The following TIMELESS variants were observed in gnomAD, a reference collection of about 807,000 sequenced individuals.
TIMELESS encodes the protein protein timeless homolog.
TIMELESS carries 124 observed loss-of-function variants against 164.3 expected under a neutral mutation model. The observed-to-expected ratio is 0.75, with a 90% CI of 0.65 to 0.88. The LOEUF (loss-of-function observed/expected upper bound fraction) is 0.88, where lower values mean the gene tolerates loss of function less well. Ranked by LOEUF, TIMELESS falls within the 40% of genes least tolerant of loss-of-function variation. The probability of loss-of-function intolerance (pLI) is 0.00; values close to 1 mark genes in which losing one functional copy is unlikely to be tolerated. For missense variants in TIMELESS, 1,422 were observed against 1,491.4 expected, an observed-to-expected ratio of 0.95 and a Z score of 0.77; for synonymous variants, 564 against 563.4, an observed-to-expected ratio of 1.00 and a Z score of -0.02.
intron 1 of TIMELESS, among the ~76,000 whole-genome samples, chr12:56,446,471 C>T (rs901538227): frequency 5.3e-5 from 8 of 152,064 alleles, no homozygotes; most frequent in South Asian, 4.2e-4. Context: ...TTACCTCTCA[C>T]GCTTCTCTCT....
At chr12:56,433,308 G>C in intron 5 of TIMELESS, 73 bp downstream of exon 5, 1 of 1,542,252 alleles carries the variant, frequency 6.5e-7, no homozygotes, top group Non-Finnish European at 9.0e-7. Context: ...CCATATCTCA[G>C]CATCTCCTCC....
At chr12:56,435,167 A>T (rs1882030109) in intron 1 of TIMELESS, among the ~76,000 whole-genome samples, 1 of 152,100 alleles carries the variant, frequency 6.6e-6, no homozygotes, top group South Asian at 2.1e-4. Context: ...GATCTAATAC[A>T]TCTCAGGAGC....
Position 56,428,305 on chromosome 12 carries a change from C to T in TIMELESS, c.1509G>A (p.Val503=). Residue 503 remains valine, a synonymous_variant, in exon 13 of 29, where the codon GTG becomes GTA. Coordinates refer to ENST00000553532, the MANE Select transcript of TIMELESS (RefSeq NM_003920.5). The part of the protein sequence containing the change: ...CQPRSFLRDL[V]ETTHLFLKML... ...TTTTGAGGAAGAGGTGGGTGGTCTC[C>T]ACCAGGTCACGAAGGAAAGAGCGGG... is the stretch of plus-strand genomic sequence containing the variant. 1 of 1,613,688 alleles carries T rather than the reference C, an allele frequency of 6.2e-7. No individual in the cohort carries two copies. Among genetic ancestry groups the T allele is most frequent in the Non-Finnish European group, 8.5e-7 (1 of 1,179,670 alleles).
chr12:56,423,936 T>A (rs1881591851), intron 15 of TIMELESS, 42 bp from the exon 16 acceptor site: 2 of 1,546,824 alleles, frequency 1.3e-6, no homozygotes, highest in South Asian at 2.3e-5. Context: ...AGGGGAAATC[T>A]GGCTTTAAAT....
At chr12:56,429,485 ACTGCGC>A (rs1162737087) in intron 10 of TIMELESS, among the ~76,000 whole-genome samples, 1 of 142,056 alleles carries the variant, frequency 7.0e-6, no homozygotes, top group Non-Finnish European at 1.5e-5. Flanking sequence ...GGCGTGAGCC[ACTGCGC>A]CTGGTCTTTT....
chr12:56,433,635 G>T lies in TIMELESS; in HGVS notation c.269C>A (p.Thr90Lys), dbSNP rs372530242. 6.2e-7 allele frequency: 1 copy of T among 1,614,174 alleles called. No individual in the cohort carries two copies. Among genetic ancestry groups the T allele is most frequent in the South Asian group, 1.1e-5 (1 of 91,090 alleles). Residue 90 changes from threonine (T) to lysine (K), a missense_variant, in exon 4 of 29, where the codon ACA becomes AAA. Physicochemically the swap from Thr to Lys is moderately conservative, Grantham distance 78 (BLOSUM62 -1). Transcript: ENST00000553532. The stretch of plus-strand genomic sequence containing the variant: ...GCCAAAACAGAGCAAGGCTGGTTGT[G>T]TCAAGTTCACCATCAGTCTGGGAGA... ...DAVIRLMVNLTQPALLCFGNL... is the reference protein window; with the variant it reads ...DAVIRLMVNLKQPALLCFGNL...
At position 56,420,684 on chromosome 12, in the gene TIMELESS, C is replaced by A; in HGVS notation, c.3113G>T (p.Cys1038Phe). ...TGGCACCAATGGAACGGCCTGGGAG[C>A]AGCCTAAGACAGGGTCAATAGTCAT... is the stretch of plus-strand genomic sequence containing the variant. ...RAADDREEDGCSQAVPLVPLT... is the reference protein window; with the variant it reads ...RAADDREEDGFSQAVPLVPLT... The change falls in exon 26 of 29, where the codon TGC becomes TTC. Residue 1038 changes from cysteine (C) to phenylalanine (F), a missense_variant. Transcript: ENST00000553532. 6.2e-7 allele frequency: 1 copy of A among 1,614,190 alleles called. No homozygotes were observed. The highest frequency in any genetic ancestry group is 8.5e-7 in the Non-Finnish European group (1 of 1,180,010).
chr12:56,432,953 CAAAAAAA>C (rs67816652), intron 6 of TIMELESS, 66 bp downstream of exon 6: 16 of 546,150 alleles, frequency 2.9e-5, no homozygotes, highest in Middle Eastern at 4.6e-4. Flanking sequence ...GACTCCGTCT[CAAAAAAA>C]AAAAAAAAAA....
chr12:56,436,410 C>T (rs528163776), intron 1 of TIMELESS, among the ~76,000 whole-genome samples: 37 of 151,958 alleles, frequency 2.4e-4, no homozygotes, highest in African/African-American at 8.0e-4. Flanking sequence ...GCCGAGATCA[C>T]GCCACCACAC....
chr12:56,417,848 G>A (rs1036413789), intron 28 of TIMELESS, 59 bp downstream of exon 28: 39 of 1,613,188 alleles, frequency 2.4e-5, no homozygotes, highest in South Asian at 8.8e-5. Flanking sequence ...GGGTAAGGAC[G>A]TGGTAGAGTT....
chr12:56,429,959 T>C, intron 10 of TIMELESS, 146 bp downstream of exon 10: 2 of 696,170 alleles, frequency 2.9e-6, no homozygotes, highest in South Asian at 4.5e-5. Flanking sequence ...CTCAGGGACA[T>C]CCTAACTGTA....
intron 10 of TIMELESS, among the ~76,000 whole-genome samples, chr12:56,429,342 G>A (rs1020136468): frequency 6.6e-6 from 1 of 151,462 alleles, no homozygotes; most frequent in Non-Finnish European, 1.5e-5. Context: ...GGGATTATAG[G>A]TGCCCGCCAC....
At chr12:56,427,353 C>T (rs979697168) in intron 13 of TIMELESS, among the ~76,000 whole-genome samples, 2 of 152,076 alleles carry the variant, frequency 1.3e-5, no homozygotes, top group Non-Finnish European at 2.9e-5. Flanking sequence ...AAACTCCTGG[C>T]CTCAAATGAT....
At position 56,428,221 on chromosome 12, in the gene TIMELESS, G is replaced by C. The variant is rs1208066931; in HGVS notation, c.1578+15C>G. On this transcript the variant is annotated intron_variant, in intron 13 of 28. Transcript: ENST00000553532. ...TCCCTTACAGCTCTTTCTACATTGT[G>C]GGGCTGCCCAGTACCTGCACCACCA... 6.4e-7 allele frequency: 1 copy of C among 1,569,734 alleles called. No individual in the cohort carries two copies. The highest frequency in any genetic ancestry group is 1.4e-5 in the African/African-American group (1 of 73,178).
chr12:56,421,287 T>G, intron 23 of TIMELESS, 64 bp downstream of exon 23: 1 of 1,588,620 alleles, frequency 6.3e-7, no homozygotes, highest in Non-Finnish European at 8.6e-7. Context: ...CCAGGTGGAC[T>G]GCTCCTAAGG....
At chr12:56,439,391 C>CTTTTTTTTT (rs67588306) in intron 1 of TIMELESS, among the ~76,000 whole-genome samples, 1 of 136,416 alleles carries the variant, frequency 7.3e-6, no homozygotes, top group Non-Finnish European at 1.6e-5. Context: ...CAGGGGTTTT[C>CTTTTTTTTT]TTTTTTTTTT....
chr12:56,431,372 ACACT>A, intron 8 of TIMELESS, 95 bp downstream of exon 8: 32 of 1,358,586 alleles, frequency 2.4e-5, no homozygotes, highest in South Asian at 4.5e-5. Flanking sequence ...AAAAAAAAAA[ACACT>A]AAAATGTTGT....
Position 56,428,962 on chromosome 12 carries a change from G to A in TIMELESS, c.1225C>T (p.His409Tyr). 1 of 1,614,194 alleles carries A rather than the reference G, an allele frequency of 6.2e-7. No homozygotes were observed. Among genetic ancestry groups the A allele is most frequent in the Non-Finnish European group, 8.5e-7 (1 of 1,180,052 alleles). ...TTGGTGAGGTTCTGCTCAATGAAGT[G>A]GAAGGTACGGACACTGAGGGTCTCA... is the stretch of plus-strand genomic sequence containing the variant. ...VSETLSVRTF[H>Y]FIEQNLTNYY... The change falls in exon 11 of 29, where the codon CAC becomes TAC. Residue 409 changes from histidine to tyrosine, a missense_variant. His to Tyr is a moderately conservative substitution (Grantham distance 83). Transcript: ENST00000553532.
At position 56,420,958 on chromosome 12, in the gene TIMELESS, C is replaced by T. The variant is rs144783032; in HGVS notation, c.3040+5G>A. On this transcript the variant is annotated splice_donor_5th_base_variant and intron_variant, in intron 24 of 28. Coordinates refer to ENST00000553532, the MANE Select transcript of TIMELESS (RefSeq NM_003920.5). ...TGAGACATCTCTCCCAGCCAAAGTC[C>T]TCACCTTCCTGATGCAGGCTTTGAC... 9.6e-4 allele frequency: 1,550 copies of T among 1,614,136 alleles called. 12 individuals are homozygous for T. In the African/African-American group the frequency reaches 0.017, roughly 18 times the overall value.
Sources: gnomAD v4.1 joint callset for allele counts (sites outside exome capture counted in the v4.1 genomes callset) on GRCh38, gnomAD v4.1.1 for gene constraint, MANE v1.5 for transcripts, NCBI Gene and HGNC (gene_info 2026-07-23, HGNC 2026-07-21) for gene names.